Variants in SRPK1 observed in about 807,000 individuals in gnomAD.
SRPK1 encodes SRSF protein kinase 1.
Under a neutral mutation model 89.5 loss-of-function variants are expected in SRPK1, and 52 were observed. The ratio of observed to expected loss-of-function variants is 0.58; its 90% confidence interval spans 0.46 to 0.73. The LOEUF (loss-of-function observed/expected upper bound fraction) is 0.73. Ranked by LOEUF, SRPK1 falls within the 30% of genes least tolerant of loss-of-function variation. The pLI is 0.00. For synonymous variants in SRPK1, 255 were observed against 270.2 expected (o/e 0.94, Z 0.55); for missense variants, 603 against 780.6 (o/e 0.77, Z 2.71).
intron 2 of SRPK1, among the ~76,000 whole-genome samples, chr6:35,910,235 A>C: frequency 6.6e-6 from 1 of 152,146 alleles, no homozygotes; most frequent in Non-Finnish European, 1.5e-5. Flanking sequence ...CATCTGCCTC[A>C]GCCTCCCAAA....
intron 6 of SRPK1, among the ~76,000 whole-genome samples, chr6:35,875,805 G>A (rs1561981571): frequency 6.6e-6 from 1 of 152,056 alleles, no homozygotes; most frequent in Admixed American, 6.6e-5. Flanking sequence ...TCCACAGATT[G>A]CTTATTAATT....
intron 3 of SRPK1, 60 bp from the exon 4 acceptor site, chr6:35,888,983 A>C (rs1770464394): frequency 8.4e-7 from 1 of 1,185,342 alleles, no homozygotes; most frequent in African/African-American, 1.5e-5. Context: ...TGGTAAGAAA[A>C]GGCATTTTTA....
intron 2 of SRPK1, among the ~76,000 whole-genome samples, chr6:35,914,609 T>G (rs1771048862): frequency 6.6e-6 from 1 of 152,172 alleles, no homozygotes; most frequent in Non-Finnish European, 1.5e-5. Context: ...ACCTATCACC[T>G]AATATACTAT....
chr6:35,863,454 T>TAAA (rs58738266), intron 12 of SRPK1, among the ~76,000 whole-genome samples: 44 of 137,614 alleles, frequency 3.2e-4, no homozygotes, highest in Non-Finnish European at 6.4e-4. Flanking sequence ...CCCTGTTTCT[T>TAAA]AAAAAAAAAA....
At position 35,890,891 on chromosome 6, in the gene SRPK1, T is replaced by G. The variant is rs1361647213; in HGVS notation, c.193+4A>C. ...TCTCACTTCATACCTCTTTATGAAC[T>G]TACCTTTACAATAATCATTAGGATC... On this transcript the variant is annotated splice_donor_region_variant and intron_variant, in intron 3 of 15. Coordinates refer to ENST00000373825, the MANE Select transcript of SRPK1 (RefSeq NM_003137.5). 1.3e-6 allele frequency: 2 copies of G among 1,546,958 alleles called. No individual in the cohort carries two copies. The highest frequency in any genetic ancestry group is 2.7e-5 in the African/African-American group (2 of 72,754).
chr6:35,863,622 GGGAGGGGGAGGT>G (rs149681410), intron 12 of SRPK1, among the ~76,000 whole-genome samples: 4,898 of 151,352 alleles, frequency 0.032, 96 homozygotes, highest in Middle Eastern at 0.065. Context: ...CAAATACATG[GGGAGGGGGAGGT>G]GGAGGGGGAG....
chr6:35,899,013 T>A (rs1770685561), intron 2 of SRPK1, among the ~76,000 whole-genome samples: 2 of 152,064 alleles, frequency 1.3e-5, no homozygotes, highest in Admixed American at 1.3e-4. Context: ...ATACAAAAAT[T>A]AGCTGGGCAT....
rs1009478521 is a variant in SRPK1 at position 35,835,467 on chromosome 6, T to C, written c.1805A>G (p.Lys602Arg). 5.6e-6 allele frequency: 9 copies of C among 1,613,040 alleles called. No homozygotes were observed. Among genetic ancestry groups the C allele is most frequent in the Admixed American group, 1.7e-5 (1 of 59,862 alleles). The stretch of plus-strand genomic sequence containing the variant: ...CTCAAAAAGGCCCCAAGGTTTCAGC[T>C]TCGTGATATGTTTCAGGTCACCTGC... Reference protein sequence around the residue: ...TKKGDLKHITKLKPWGLFEVL... With the variant: ...TKKGDLKHITRLKPWGLFEVL... Residue 602 changes from lysine to arginine, a missense_variant, in exon 16 of 16, where the codon AAG becomes AGG. Coordinates refer to ENST00000373825, the MANE Select transcript of SRPK1 (RefSeq NM_003137.5).
chr6:35,882,570 T>C (rs982892759), intron 6 of SRPK1, among the ~76,000 whole-genome samples: 2 of 152,096 alleles, frequency 1.3e-5, no homozygotes, highest in African/African-American at 4.8e-5. Flanking sequence ...GCTGGGATTA[T>C]AGGCATGAGC....
intron 13 of SRPK1, 33 bp from the exon 14 acceptor site, chr6:35,842,637 CA>C: frequency 1.3e-6 from 2 of 1,533,480 alleles, no homozygotes; most frequent in Non-Finnish European, 1.8e-6. Context: ...TATGAAAGCA[CA>C]AAAGAAAAGA....
rs1429282381 is a variant in SRPK1 at position 35,834,579 on chromosome 6, G to A, written c.*725C>T. On this transcript the variant is annotated 3_prime_UTR_variant, in exon 16 of 16. Transcript: ENST00000373825. ...AATAGAAGACATACAGGAAAGGACT[G>A]TTTATAGAACACCTGAGGTTCTCAA... 1 of 152,152 alleles carries A rather than the reference G, an allele frequency of 6.6e-6. No homozygotes were observed. The highest frequency in any genetic ancestry group is 1.5e-5 in the Non-Finnish European group (1 of 68,030). The allele number at this position is 152,152 out of a possible 1,614,324, so 9.4% of individuals were successfully genotyped here.
chr6:35,874,212 T>A (rs1273089972), intron 7 of SRPK1, 21 bp downstream of exon 7: 1 of 1,525,752 alleles, frequency 6.6e-7, no homozygotes, highest in Non-Finnish European at 9.0e-7. Flanking sequence ...ACTAAGATAC[T>A]TGCTGATTCA....
chr6:35,838,762 A>C (rs1424096394), intron 14 of SRPK1: 2 of 1,391,718 alleles, frequency 1.4e-6, no homozygotes, highest in African/African-American at 2.9e-5. Flanking sequence ...GCGTCTTGGA[A>C]TTCTGCCTAT....
chr6:35,897,747 A>C (rs1455398555), intron 2 of SRPK1, among the ~76,000 whole-genome samples: 1 of 152,176 alleles, frequency 6.6e-6, no homozygotes, highest in Non-Finnish European at 1.5e-5. Context: ...CCTGGGCCCA[A>C]GTGATTCTCC....
chr6:35,835,601 A>C, intron 15 of SRPK1, 113 bp from the exon 16 acceptor site: 1 of 902,816 alleles, frequency 1.1e-6, no homozygotes, highest in East Asian at 2.8e-5. Flanking sequence ...CAAATTTTGC[A>C]ATCAGAATCT....
At chr6:35,875,261 T>G (rs1253159797) in intron 6 of SRPK1, among the ~76,000 whole-genome samples, 1 of 151,816 alleles carries the variant, frequency 6.6e-6, no homozygotes, top group African/African-American at 2.4e-5. Context: ...CTTCTTTTTT[T>G]TTTTTTTTTT....
At chr6:35,868,771 G>A (rs958564337) in intron 12 of SRPK1, among the ~76,000 whole-genome samples, 1 of 152,130 alleles carries the variant, frequency 6.6e-6, no homozygotes, top group Non-Finnish European at 1.5e-5. Context: ...TCTGGGTGAT[G>A]GGTATCTGGA....
At position 35,870,367 on chromosome 6, in the gene SRPK1, CT is replaced by C; in HGVS notation, c.904del (p.Arg302AspfsTer16). On this transcript the variant is annotated frameshift_variant, in exon 10 of 16. Coordinates refer to ENST00000373825, the MANE Select transcript of SRPK1 (RefSeq NM_003137.5). LOFTEE classifies it high-confidence loss of function. ...CTCTGATTCTTCTTGCTTGTTTGGT[CT>C]TTTTTGCCCAGGGCCCGACTCTTTC... ...MEKESGPGQK[R>X]PNKQEESESP... 2 of 1,609,690 alleles carry C rather than the reference CT, an allele frequency of 1.2e-6. No individual in the cohort carries two copies. Among genetic ancestry groups the C allele is most frequent in the South Asian group, 1.1e-5 (1 of 90,446 alleles).
intron 2 of SRPK1, 31 bp downstream of exon 2, chr6:35,920,437 A>G: frequency 6.2e-7 from 1 of 1,610,616 alleles, no homozygotes; most frequent in Non-Finnish European, 8.5e-7. Flanking sequence ...AGGAAAATCC[A>G]AAGAATGGGA....
Sources: gnomAD v4.1 joint callset for allele counts (sites outside exome capture counted in the v4.1 genomes callset) on GRCh38, gnomAD v4.1.1 for gene constraint, MANE v1.5 for transcripts, NCBI Gene and HGNC (gene_info 2026-07-23, HGNC 2026-07-21) for gene names.